The following CTNNA2 variants were observed in gnomAD, a reference collection of about 807,000 sequenced individuals.
The protein encoded by CTNNA2 is catenin alpha-2.
A neutral mutation model predicts 101.0 loss-of-function variants in CTNNA2; 42 were observed. The observed-to-expected ratio is 0.42, with a 90% CI of 0.32 to 0.54. The LOEUF (loss-of-function observed/expected upper bound fraction) is 0.54, where lower values mean the gene tolerates loss of function less well. Ranked by LOEUF, CTNNA2 falls within the 20% of genes least tolerant of loss-of-function variation. The pLI, the probability that CTNNA2 is intolerant of heterozygous loss-of-function variation, is 0.14. For missense variants in CTNNA2, 871 were observed against 1,223.1 expected, an observed-to-expected ratio of 0.71 and a Z score of 4.29; for synonymous variants, 450 against 456.4, an observed-to-expected ratio of 0.99 and a Z score of 0.18.
At chr2:80,280,897 A>G (rs1411240185) in intron 7 of CTNNA2, among the ~76,000 whole-genome samples, 1 of 152,240 alleles carries the variant, frequency 6.6e-6, no homozygotes, top group African/African-American at 2.4e-5. Context: ...TCGGGCATCT[A>G]CTGGGGGTCT....
chr2:79,933,571 C>G (rs148246772), intron 7 of CTNNA2, among the ~76,000 whole-genome samples: 1 of 151,912 alleles, frequency 6.6e-6, no homozygotes, highest in Non-Finnish European at 1.5e-5. Flanking sequence ...TCTCCTGCCT[C>G]AGCCTCCCTA....
In CTNNA2 at chr2:79,796,625, A is replaced by C. The variant is rs527583746; in HGVS notation, c.298+52043A>C. ...GGGCTCATCTCTGCCCATCAGATGG[A>C]GCTGTCAGATGTGTGATGGTTAGAA... On this transcript the variant is annotated intron_variant, in intron 3 of 18. Coordinates refer to ENST00000402739, the MANE Select transcript of CTNNA2 (RefSeq NM_001282597.3). Among the ~76,000 whole-genome samples the C allele has an allele frequency of 3.3e-5, 5 of 152,248 alleles. No homozygotes were observed. The East Asian group carries it at 9.7e-4, about 29-fold the overall frequency.
At chr2:80,248,133 T>G (rs988225337) in intron 7 of CTNNA2, among the ~76,000 whole-genome samples, 1 of 152,058 alleles carries the variant, frequency 6.6e-6, no homozygotes, top group South Asian at 2.1e-4. Context: ...CTAATGGGTG[T>G]CCCTGTCTGC....
intron 7 of CTNNA2, among the ~76,000 whole-genome samples, chr2:80,213,785 T>C (rs570909622): frequency 9.2e-5 from 14 of 152,180 alleles, no homozygotes; most frequent in Non-Finnish European, 2.1e-4. Flanking sequence ...CTTTCTGTCT[T>C]GTTGATCTGT....
intron 9 of CTNNA2, among the ~76,000 whole-genome samples, chr2:80,422,925 G>A (rs1243045892): frequency 6.6e-6 from 1 of 151,820 alleles, no homozygotes; most frequent in Non-Finnish European, 1.5e-5. Context: ...TTCTTTTAAG[G>A]TCAGTTTTGT....
intron 2 of CTNNA2, among the ~76,000 whole-genome samples, chr2:79,702,208 T>C (rs1037334928): frequency 6.8e-6 from 1 of 146,756 alleles, no homozygotes; most frequent in African/African-American, 2.8e-5. Flanking sequence ...CTGTCTGCTT[T>C]TGTATGGCCT....
Position 79,869,824 on chromosome 2 carries a change from G to T in CTNNA2, c.474G>T (p.Glu158Asp), listed in dbSNP as rs199898826. 6.1e-5 allele frequency: 98 copies of T among 1,613,660 alleles called. No homozygotes were observed. In the African/African-American group the frequency reaches 1.2e-3, roughly 20 times the overall value. Residue 158 changes from glutamate (E) to aspartate (D), a missense_variant, in exon 5 of 19, where the codon GAG (glutamate) becomes GAT (aspartate). Glu to Asp is a conservative substitution (Grantham distance 45). Coordinates refer to ENST00000402739, the MANE Select transcript of CTNNA2 (RefSeq NM_001282597.3). ...RLLSHLKIVE[E>D]ALEAVKNATN... ...GTTTTTCACCACTGCAGGTGGAAGAGGCCCTGGAAGCTGTCAAAAATGCTA... is the reference window on the plus strand; with the variant it reads ...GTTTTTCACCACTGCAGGTGGAAGATGCCCTGGAAGCTGTCAAAAATGCTA...
intron 13 of CTNNA2, among the ~76,000 whole-genome samples, chr2:80,581,226 A>C (rs980418528): frequency 1.3e-5 from 2 of 152,066 alleles, no homozygotes; most frequent in Non-Finnish European, 2.9e-5. Context: ...GGCAGTCTTG[A>C]CTCTAGAGCC....
At chr2:79,287,832 C>T (rs1368589513) in intron 2 of CTNNA2, among the ~76,000 whole-genome samples, 11 of 151,722 alleles carry the variant, frequency 7.3e-5, no homozygotes, top group Admixed American at 4.6e-4. Context: ...CAATGGCGGG[C>T]GCCCCTCCCC....
intron 6 of CTNNA2, among the ~76,000 whole-genome samples, chr2:79,901,281 T>G (rs1685054867): frequency 6.6e-6 from 1 of 151,976 alleles, no homozygotes; most frequent in Non-Finnish European, 1.5e-5. Flanking sequence ...ACATTTATTC[T>G]TTCTTCTGCT....
At chr2:80,398,014 G>C (rs1424491635) in intron 8 of CTNNA2, among the ~76,000 whole-genome samples, 1 of 152,172 alleles carries the variant, frequency 6.6e-6, no homozygotes, top group Non-Finnish European at 1.5e-5. Context: ...CGAATGCACT[G>C]TGAAAAGAAA....
At chr2:80,568,285 A>G (rs1284035811) in intron 12 of CTNNA2, among the ~76,000 whole-genome samples, 2 of 152,198 alleles carry the variant, frequency 1.3e-5, no homozygotes, top group Non-Finnish European at 2.9e-5. Flanking sequence ...GAGACTTGTT[A>G]TGTGAAATGT....
rs893570006 is a variant in CTNNA2 at position 79,309,997 on chromosome 2, A to G, written c.-405-2712A>G. On this transcript the variant is annotated intron_variant, in intron 2 of 21. Coordinates refer to the CTNNA2 transcript ENST00000466387. ...ATTTTCATAAATGCTATCTTCTTTT[A>G]GGTACATTTTCTAATCAGTAATTGC... Among the ~76,000 whole-genome samples the G allele has an allele frequency of 2.0e-5, 3 of 152,078 alleles. No homozygotes were observed. In the East Asian group the frequency reaches 5.8e-4, roughly 29 times the overall value.
At chr2:80,602,213 TAGTA>T (rs1205146871) in intron 15 of CTNNA2, among the ~76,000 whole-genome samples, 1 of 152,028 alleles carries the variant, frequency 6.6e-6, no homozygotes, top group African/African-American at 2.4e-5. Context: ...CCTAACATAC[TAGTA>T]AGTCTATGAA....
rs6732938 is a variant in CTNNA2 at position 80,163,158 on chromosome 2, A to C, written c.1057-230053A>C. On this transcript the variant is annotated intron_variant, in intron 7 of 18. Coordinates refer to ENST00000402739, the MANE Select transcript of CTNNA2 (RefSeq NM_001282597.3). The stretch of plus-strand genomic sequence containing the variant: ...TTTATTACTGGCCCAGCCTGGTGGA[A>C]AACCTCGAAAAGGAGCTCCTCGGTC... The C allele has an allele frequency of 2.6e-3, 3,873 of 1,510,836 alleles. 57 individuals carry two copies. In the African/African-American group the frequency reaches 0.037, roughly 14 times the overall value. 93.6% of individuals were successfully genotyped at this position (1,510,836 alleles called of 1,614,324 possible).
At position 79,490,560 on chromosome 2, in the gene CTNNA2, C is replaced by A. The variant is rs369287575; in HGVS notation, c.-134-14494C>A. On this transcript the variant is annotated intron_variant, in intron 4 of 21. Transcript: ENST00000466387. ...CAGTAATTTCTGCTTACAACATGAC[C>A]GTCCATCTTTTAGACCATTAAATAA... Among the ~76,000 whole-genome samples, 13 of 152,056 alleles carry A rather than the reference C, an allele frequency of 8.5e-5. No homozygotes were observed. In the South Asian group the frequency reaches 2.7e-3, roughly 31 times the overall value.
At chr2:80,537,760 A>G (rs925620855) in intron 9 of CTNNA2, among the ~76,000 whole-genome samples, 11 of 151,796 alleles carry the variant, frequency 7.2e-5, no homozygotes, top group Non-Finnish European at 1.2e-4. Flanking sequence ...CACCTGGCTA[A>G]TTTAGTATTT....
At chr2:79,965,827 C>CAAAAAAAAA (rs10686940) in intron 7 of CTNNA2, among the ~76,000 whole-genome samples, 35 of 77,982 alleles carry the variant, frequency 4.5e-4, no homozygotes, top group African/African-American at 8.4e-4. Flanking sequence ...GAGACTATGT[C>CAAAAAAAAA]AAAAAAAAAA....
intron 7 of CTNNA2, among the ~76,000 whole-genome samples, chr2:80,033,892 C>A (rs1164983798): frequency 1.6e-5 from 2 of 122,730 alleles, no homozygotes; most frequent in African/African-American, 6.1e-5. Context: ...CAGTCTGCAA[C>A]AAAAACATAA....
Sources: gnomAD v4.1 joint callset for allele counts (sites outside exome capture counted in the v4.1 genomes callset) on GRCh38, gnomAD v4.1.1 for gene constraint, MANE v1.5 for transcripts, NCBI Gene and HGNC (gene_info 2026-07-23, HGNC 2026-07-21) for gene names.